Variants in ZNF385D observed in about 807,000 individuals in gnomAD.
The protein encoded by ZNF385D is zinc finger protein 385D, also known as zinc finger protein 659.
In ZNF385D, 15 loss-of-function variants were observed where a neutral mutation model predicts 35.8. That is an observed-to-expected ratio of 0.42 (90% confidence interval 0.28 to 0.64). The LOEUF is 0.64. Ranked by LOEUF, ZNF385D falls within the 30% of genes least tolerant of loss-of-function variation. The probability of loss-of-function intolerance (pLI) is 0.23; values close to 1 mark genes in which losing one functional copy is unlikely to be tolerated. For synonymous variants in ZNF385D, 212 were observed against 186.8 expected (o/e 1.13, Z -1.10); for missense variants, 474 against 494.6 (o/e 0.96, Z 0.39).
intron 3 of ZNF385D, among the ~76,000 whole-genome samples, chr3:22,166,803 T>G (rs115705539): frequency 0.015 from 2,212 of 152,340 alleles, 35 homozygotes; most frequent in Non-Finnish European, 0.02. Context: ...TGTTCTATAA[T>G]GTTGTTTATT....
intron 4 of ZNF385D, among the ~76,000 whole-genome samples, chr3:21,495,796 C>T (rs1351591499): frequency 6.6e-6 from 1 of 151,778 alleles, no homozygotes; most frequent in Non-Finnish European, 1.5e-5. Context: ...ATAGATAAAA[C>T]ACTAGCTAGA....
chr3:21,595,014 C>T (rs976406335), intron 2 of ZNF385D, among the ~76,000 whole-genome samples: 5 of 152,252 alleles, frequency 3.3e-5, no homozygotes, highest in African/African-American at 1.2e-4. Flanking sequence ...TTATAACCAG[C>T]ATTAACGAGT....
intron 2 of ZNF385D, among the ~76,000 whole-genome samples, chr3:22,187,787 T>G (rs1695737008): frequency 6.6e-6 from 1 of 152,102 alleles, no homozygotes; most frequent in African/African-American, 2.4e-5. Flanking sequence ...CGGACAGCGA[T>G]GGTAGCTGTC....
In ZNF385D at chr3:21,789,627, A is replaced by C. The variant is rs142254998; in HGVS notation, c.326-124599T>G. 9.1e-4 allele frequency among the ~76,000 whole-genome samples: 139 copies of C among 152,320 alleles called. 1 individual carries two copies. The highest frequency in any genetic ancestry group is 3.1e-3 in the African/African-American group (128 of 41,562). Reference sequence around the variant, plus strand: ...TACTGCAAATACCTCTTTCTGAAGAATAAAGGTAGACATCACTGATTTACA... The same window carrying C: ...TACTGCAAATACCTCTTTCTGAAGACTAAAGGTAGACATCACTGATTTACA... On this transcript the variant is annotated intron_variant, in intron 3 of 5. Coordinates refer to the ZNF385D transcript ENST00000494108.
chr3:21,537,113 C>G (rs1195638727), intron 3 of ZNF385D, among the ~76,000 whole-genome samples: 1 of 126,982 alleles, frequency 7.9e-6, no homozygotes, highest in African/African-American at 2.9e-5. Context: ...TCATGGTGAA[C>G]AAAATATCAA....
chr3:21,952,707 T>C (rs1398180741), intron 3 of ZNF385D, among the ~76,000 whole-genome samples: 1 of 151,962 alleles, frequency 6.6e-6, no homozygotes, highest in Non-Finnish European at 1.5e-5. Flanking sequence ...TTCATATAAT[T>C]ATGGATTAAT....
At chr3:21,992,261 A>G (rs1695194400) in intron 3 of ZNF385D, among the ~76,000 whole-genome samples, 1 of 152,120 alleles carries the variant, frequency 6.6e-6, no homozygotes, top group South Asian at 2.1e-4. Context: ...AAGCCCCTAG[A>G]AGGTATCTAG....
chr3:22,041,586 C>G (rs976309867), intron 3 of ZNF385D, among the ~76,000 whole-genome samples: 1 of 152,108 alleles, frequency 6.6e-6, no homozygotes, highest in Non-Finnish European at 1.5e-5. Flanking sequence ...CCATTAAACT[C>G]AGTATAAACC....
chr3:21,594,609 G>T (rs1464976172), intron 2 of ZNF385D, among the ~76,000 whole-genome samples: 2 of 152,118 alleles, frequency 1.3e-5, no homozygotes, highest in African/African-American at 4.8e-5. Flanking sequence ...GTCAACTAAA[G>T]GCCCTTTAAG....
intron 1 of ZNF385D, among the ~76,000 whole-genome samples, chr3:21,679,558 T>A (rs2066834735): frequency 6.6e-6 from 1 of 152,046 alleles, no homozygotes; most frequent in African/African-American, 2.4e-5. Context: ...TGAAAGCTAA[T>A]CCAGAGAGAA....
At chr3:22,165,928 G>A (rs964350512) in intron 3 of ZNF385D, among the ~76,000 whole-genome samples, 1 of 152,114 alleles carries the variant, frequency 6.6e-6, no homozygotes, top group Admixed American at 6.5e-5. Context: ...TCATACACCA[G>A]ATCAAATATC....
intron 3 of ZNF385D, among the ~76,000 whole-genome samples, chr3:22,010,115 A>G (rs1219196452): frequency 6.6e-6 from 1 of 152,160 alleles, no homozygotes; most frequent in Non-Finnish European, 1.5e-5. Flanking sequence ...GAAGAAAAAA[A>G]AATCTACAAG....
rs1465582472 is a variant in ZNF385D, at chr3:22,190,167, A to T, written c.107-21132T>A. Among the ~76,000 whole-genome samples the T allele has an allele frequency of 2.6e-5, 4 of 152,218 alleles. No homozygotes were observed. The East Asian group carries it at 7.7e-4, about 29-fold the overall frequency. ...CTGCTGAGGAGTAATTTCTAAAACA[A>T]TTACTTGTGGGCAAATATATTAATA... On this transcript the variant is annotated intron_variant, in intron 2 of 5. Transcript: ENST00000494108.
chr3:21,568,685 T>C (rs1413185715), intron 2 of ZNF385D, among the ~76,000 whole-genome samples: 2 of 152,194 alleles, frequency 1.3e-5, no homozygotes, highest in Non-Finnish European at 2.9e-5. Flanking sequence ...AAATATGTTT[T>C]AAATGCATGA....
intron 1 of ZNF385D, among the ~76,000 whole-genome samples, chr3:21,726,222 T>C (rs1377027372): frequency 1.3e-5 from 2 of 152,148 alleles, no homozygotes; most frequent in South Asian, 2.1e-4. Flanking sequence ...GCCAATATCA[T>C]ACCGAATGGG....
chr3:21,719,211 C>T (rs980377895), intron 1 of ZNF385D, among the ~76,000 whole-genome samples: 3 of 152,198 alleles, frequency 2.0e-5, no homozygotes, highest in African/African-American at 4.8e-5. Flanking sequence ...ATCTCAGATA[C>T]CACCCCACAC....
At chr3:21,726,027 A>C (rs1333737694) in intron 1 of ZNF385D, among the ~76,000 whole-genome samples, 1 of 152,166 alleles carries the variant, frequency 6.6e-6, no homozygotes, top group Non-Finnish European at 1.5e-5. Flanking sequence ...TTCAACATAC[A>C]CAAATCAATA....
chr3:21,712,407 G>T (rs4858346), intron 1 of ZNF385D, among the ~76,000 whole-genome samples: 1 of 151,860 alleles, frequency 6.6e-6, no homozygotes, highest in African/African-American at 2.4e-5. Context: ...TTGAACTCAC[G>T]GTCTCTTCTC....
intron 3 of ZNF385D, among the ~76,000 whole-genome samples, chr3:22,143,939 A>T (rs1288706206): frequency 1.3e-5 from 2 of 152,176 alleles, no homozygotes; most frequent in Non-Finnish European, 2.9e-5. Context: ...AAGAATTTTT[A>T]AAGGCTTAAA....
Sources: allele counts gnomAD v4.1 joint callset (sites outside exome capture counted in the v4.1 genomes callset), GRCh38; gene constraint gnomAD v4.1.1; transcripts MANE v1.5; gene names NCBI Gene and HGNC (gene_info 2026-07-23, HGNC 2026-07-21).